The following NRXN3 variants were observed in gnomAD, a reference collection of about 807,000 sequenced individuals.
NRXN3 encodes neurexin III.
In NRXN3, 32 loss-of-function variants were observed where a neutral mutation model predicts 137.6. That is an observed-to-expected ratio of 0.23 (90% CI 0.18 to 0.31). The LOEUF (loss-of-function observed/expected upper bound fraction) is 0.31. Ranked by LOEUF, NRXN3 falls within the 10% of genes least tolerant of loss-of-function variation. The pLI is 1.00. For missense variants in NRXN3, 1,574 were observed against 2,062.5 expected (o/e 0.76, Z 4.59); for synonymous variants, 798 against 784.5 (o/e 1.02, Z -0.29).
intron 3 of NRXN3, among the ~76,000 whole-genome samples, chr14:78,288,035 A>C (rs1252982889): frequency 2.6e-5 from 4 of 151,678 alleles, no homozygotes; most frequent in Non-Finnish European, 5.9e-5. Flanking sequence ...GCTGGAGTGC[A>C]GTGGCGCAAT....
At chr14:78,749,462 C>A (rs1173817525) in intron 8 of NRXN3, among the ~76,000 whole-genome samples, 3 of 152,120 alleles carry the variant, frequency 2.0e-5, no homozygotes, top group Non-Finnish European at 2.9e-5. Flanking sequence ...AGAAACGAGT[C>A]CTGCTGCTGA....
chr14:78,475,027 T>C (rs983535386), intron 4 of NRXN3, among the ~76,000 whole-genome samples: 1 of 152,154 alleles, frequency 6.6e-6, no homozygotes, highest in African/African-American at 2.4e-5. Flanking sequence ...ATATACACTG[T>C]TGTAGGTACA....
At chr14:79,357,329 T>A (rs2093460580) in intron 15 of NRXN3, among the ~76,000 whole-genome samples, 1 of 152,190 alleles carries the variant, frequency 6.6e-6, no homozygotes, top group African/African-American at 2.4e-5. Flanking sequence ...TATTATAAAC[T>A]TCTTTTTTAA....
chr14:78,601,640 G>C (rs1170885880), intron 4 of NRXN3, among the ~76,000 whole-genome samples: 3 of 152,004 alleles, frequency 2.0e-5, no homozygotes, highest in African/African-American at 7.2e-5. Context: ...ATTTTTAGTA[G>C]ACACAGGGTT....
chr14:78,223,014 C>T (rs916786378), intron 1 of NRXN3, among the ~76,000 whole-genome samples: 4 of 152,214 alleles, frequency 2.6e-5, no homozygotes, highest in African/African-American at 9.7e-5. Context: ...TTGGTAATGT[C>T]ACTCAACAAA....
At chr14:79,469,736 G>C (rs781614298) in intron 16 of NRXN3, among the ~76,000 whole-genome samples, 6 of 152,158 alleles carry the variant, frequency 3.9e-5, no homozygotes, top group Non-Finnish European at 8.8e-5. Context: ...ATCCTATGCT[G>C]TGGGGAATCT....
intron 15 of NRXN3, among the ~76,000 whole-genome samples, chr14:79,254,340 A>C (rs1441584776): frequency 6.6e-6 from 1 of 152,174 alleles, no homozygotes; most frequent in Non-Finnish European, 1.5e-5. Context: ...GTAATCTGCT[A>C]TCTGTTAAAG....
intron 16 of NRXN3, among the ~76,000 whole-genome samples, chr14:79,627,761 G>T (rs1359377216): frequency 6.6e-6 from 1 of 152,130 alleles, no homozygotes; most frequent in African/African-American, 2.4e-5. Context: ...TCATGAGGTT[G>T]CTAGGGATTA....
At chr14:78,303,359 G>A (rs1419605262) in intron 4 of NRXN3, among the ~76,000 whole-genome samples, 1 of 152,080 alleles carries the variant, frequency 6.6e-6, no homozygotes, top group African/African-American at 2.4e-5. Context: ...CTACTAGATT[G>A]CACGTACGTT....
chr14:79,156,369 G>A (rs1269640453), intron 15 of NRXN3, among the ~76,000 whole-genome samples: 1 of 151,710 alleles, frequency 6.6e-6, no homozygotes, highest in African/African-American at 2.4e-5. Context: ...ATGATAAGAG[G>A]CTATATTTCA....
At chr14:79,240,320 C>G (rs1265333351) in intron 15 of NRXN3, among the ~76,000 whole-genome samples, 1 of 152,104 alleles carries the variant, frequency 6.6e-6, no homozygotes, top group Non-Finnish European at 1.5e-5. Context: ...CCCACCCCAG[C>G]AACCATGCTT....
chr14:78,814,809 G>A (rs147377827), intron 10 of NRXN3, among the ~76,000 whole-genome samples: 3 of 152,178 alleles, frequency 2.0e-5, no homozygotes, highest in Non-Finnish European at 4.4e-5. Flanking sequence ...ATGACTTTTT[G>A]TCTTTGACCT....
chr14:78,441,726 A>G (rs756997284), intron 4 of NRXN3, among the ~76,000 whole-genome samples: 12 of 152,186 alleles, frequency 7.9e-5, no homozygotes, highest in Non-Finnish European at 5.9e-5. Flanking sequence ...GATGTAATGA[A>G]GTTAAGGATC....
chr14:79,429,476 G>C (rs550729213), intron 15 of NRXN3, among the ~76,000 whole-genome samples: 35 of 152,320 alleles, frequency 2.3e-4, no homozygotes, highest in Admixed American at 2.6e-4. Context: ...TGAGTAACAA[G>C]AGTTTCTCGT....
At chr14:79,664,653 G>A (rs1391091136) in intron 17 of NRXN3, among the ~76,000 whole-genome samples, 2 of 152,054 alleles carry the variant, frequency 1.3e-5, no homozygotes, top group South Asian at 2.1e-4. Flanking sequence ...CAAGCACAAC[G>A]GGAGAAAAGG....
intron 20 of NRXN3, among the ~76,000 whole-genome samples, chr14:79,833,459 G>A (rs1398630782): frequency 1.3e-5 from 2 of 152,092 alleles, no homozygotes; most frequent in African/African-American, 4.8e-5. Context: ...TATGAGGCAT[G>A]TTTATAGATC....
At chr14:79,391,488 T>TA (rs536130623) in intron 15 of NRXN3, among the ~76,000 whole-genome samples, 6 of 152,142 alleles carry the variant, frequency 3.9e-5, no homozygotes, top group African/African-American at 1.4e-4. Context: ...GAGGCTCAAA[T>TA]AAAAAAATAT....
intron 15 of NRXN3, among the ~76,000 whole-genome samples, chr14:79,148,895 C>T (rs2059548766): frequency 6.6e-6 from 1 of 151,808 alleles, no homozygotes; most frequent in Non-Finnish European, 1.5e-5. Flanking sequence ...TGTGGAAAGC[C>T]CAAATTAGTT....
chr14:79,666,623 T>C (rs2098558226), intron 17 of NRXN3, among the ~76,000 whole-genome samples: 1 of 152,054 alleles, frequency 6.6e-6, no homozygotes, highest in Non-Finnish European at 1.5e-5. Flanking sequence ...GTTTTCACTA[T>C]TGCTCCCCCA....
Sources: gnomAD v4.1 joint callset for allele counts (sites outside exome capture counted in the v4.1 genomes callset) on GRCh38, gnomAD v4.1.1 for gene constraint, MANE v1.5 for transcripts, NCBI Gene and HGNC (gene_info 2026-07-23, HGNC 2026-07-21) for gene names.